Variants in TAS2R10 observed in about 807,000 individuals in gnomAD.
The protein encoded by TAS2R10 is taste 2 receptor member 10.
For synonymous variants in TAS2R10, 144 were observed against 126.6 expected (o/e 1.14, Z -0.92); for missense variants, 385 against 362.0 (o/e 1.06, Z -0.52).
At chr12:10,825,475 G>T (rs1380927106) in exon 1 of TAS2R10, 1 of 1,613,658 alleles carries the variant, frequency 6.2e-7, no homozygotes, top group East Asian at 2.2e-5. Context: ...AGATGGCTGT[G>T]GTTGTCATTC....
chr12:10,826,235 A>G (rs952205659), exon 1 of TAS2R10: 3 of 1,611,344 alleles, frequency 1.9e-6, no homozygotes, highest in East Asian at 2.2e-5. Flanking sequence ...ACTAACTACA[A>G]CAAAAATGAA....
At chr12:10,825,580 T>C (rs565604656) in exon 1 of TAS2R10, 1 of 1,613,756 alleles carries the variant, frequency 6.2e-7, no homozygotes, top group South Asian at 1.1e-5. Context: ...TGATGAAAGA[T>C]ATCAAAACTT....
At chr12:10,826,248 T>G in exon 1 of TAS2R10, 1 of 1,610,014 alleles carries the variant, frequency 6.2e-7, no homozygotes, top group Non-Finnish European at 8.5e-7. Flanking sequence ...AAAATGAAGA[T>G]GCCTTCCACT....
exon 1 of TAS2R10, chr12:10,826,306 T>G: frequency 6.9e-7 from 1 of 1,439,800 alleles, no homozygotes; most frequent in East Asian, 2.3e-5. Flanking sequence ...GTTACATCTA[T>G]CTTAGATTAC....
At position 10,826,302 on chromosome 12, in the gene TAS2R10, T is replaced by A. The variant is rs764212865; in HGVS notation, c.-33A>T. 6.8e-7 allele frequency: 1 copy of A among 1,475,384 alleles called. No homozygotes were observed. The highest frequency in any genetic ancestry group is 9.3e-7 in the Non-Finnish European group (1 of 1,080,002). The allele number at this position is 1,475,384 out of a possible 1,614,324, so 91.4% of individuals were successfully genotyped here. The stretch of plus-strand genomic sequence containing the variant: ...AATTCTTAATATTGCTTCTGTTACA[T>A]CTATCTTAGATTACCTGCTGCAGAA... On this transcript the variant is annotated 5_prime_UTR_variant, in exon 1 of 1. The change abolishes an upstream ATG in the 5' untranslated region. Transcript: ENST00000240619.
At chr12:10,825,566 A>G in exon 1 of TAS2R10, 1 of 1,613,734 alleles carries the variant, frequency 6.2e-7, no homozygotes, top group Non-Finnish European at 8.5e-7. Context: ...CAAGATAAAG[A>G]GGATGATGAA....
exon 1 of TAS2R10, chr12:10,826,346 C>A: frequency 9.4e-7 from 1 of 1,065,584 alleles, no homozygotes; most frequent in Non-Finnish European, 1.3e-6. Context: ...ATATTGGCTG[C>A]TCGACGGAAG....
chr12:10,826,257 C>T lies in TAS2R10; in HGVS notation c.13G>A (p.Val5Met), dbSNP rs777409044. 21 of 1,605,258 alleles carry T rather than the reference C, an allele frequency of 1.3e-5. No homozygotes were observed. Among genetic ancestry groups the T allele is most frequent in the Non-Finnish European group, 1.8e-5 (21 of 1,175,660 alleles). Residue 5 changes from valine (V) to methionine (M), a missense_variant, in exon 1 of 1, where the codon GTG becomes ATG. By Grantham distance (21) the Val-to-Met change is conservative. Transcript: ENST00000240619. ...ACAACAAAAATGAAGATGCCTTCCA[C>T]TACACGTAGCATATCTGCTAATTCT... is the stretch of plus-strand genomic sequence containing the variant.
chr12:10,826,182 C>G (rs1374949849), exon 1 of TAS2R10: 1 of 1,613,288 alleles, frequency 6.2e-7, no homozygotes, highest in African/African-American at 1.3e-5. Flanking sequence ...ATGCAGTTTA[C>G]AAGTCCAATA....
At chr12:10,825,632 C>CTTAATT (rs1316783368) in exon 1 of TAS2R10, 1 of 1,613,702 alleles carries the variant, frequency 6.2e-7, no homozygotes, top group Admixed American at 1.7e-5. Flanking sequence ...GTCTCTCAAT[C>CTTAATT]CTGTCACATT....
exon 1 of TAS2R10, chr12:10,826,338 A>G: frequency 1.7e-6 from 2 of 1,156,212 alleles, no homozygotes; most frequent in Admixed American, 2.3e-5. Context: ...TGAGGCATAT[A>G]TTGGCTGCTC....
exon 1 of TAS2R10, chr12:10,825,342 G>T (rs756375965): frequency 6.3e-7 from 1 of 1,595,856 alleles, no homozygotes; most frequent in East Asian, 2.2e-5. Context: ...TCTTCCCAAG[G>T]TGTCTATGTG....
chr12:10,826,186 T>G, exon 1 of TAS2R10: 1 of 1,613,286 alleles, frequency 6.2e-7, no homozygotes, highest in Non-Finnish European at 8.5e-7. Context: ...AGTTTACAAG[T>G]CCAATAAATC....
At chr12:10,825,616 G>A in exon 1 of TAS2R10, 1 of 1,613,794 alleles carries the variant, frequency 6.2e-7, no homozygotes, top group African/African-American at 1.3e-5. Flanking sequence ...GAGCTTCTGT[G>A]TTGGAGTCTC....
chr12:10,826,097 A>G (rs534564192), exon 1 of TAS2R10: 1 of 1,613,454 alleles, frequency 6.2e-7, no homozygotes, highest in African/African-American at 1.3e-5. Context: ...TATTATCCAT[A>G]TCAGAAAAAT....
rs368388268 is a variant in TAS2R10, at chr12:10,825,616, G to C, written c.654C>G (p.Asn218Lys). ...TCATTGCCTTCACATGAGCTTCTGT[G>C]TTGGAGTCTCTCAATCCTGTCACAT... Residue 218 changes from asparagine (N) to lysine (K), a missense_variant, in exon 1 of 1, where the codon AAC (asparagine) becomes AAG (lysine). Asn to Lys is a moderately conservative substitution (Grantham distance 94). Transcript: ENST00000240619. The C allele has an allele frequency of 1.8e-5, 29 of 1,613,794 alleles. No homozygotes were observed. In the African/African-American group the frequency reaches 3.6e-4, roughly 20 times the overall value.
At chr12:10,826,016 C>A (rs747912562) in exon 1 of TAS2R10, 4 of 1,613,486 alleles carry the variant, frequency 2.5e-6, no homozygotes, top group Non-Finnish European at 8.5e-7. Flanking sequence ...CCAAAAGTAA[C>A]TAATATATTC....
At chr12:10,825,823 C>A (rs772588664) in exon 1 of TAS2R10, 3 of 1,612,202 alleles carry the variant, frequency 1.9e-6, no homozygotes, top group African/African-American at 1.3e-5. Flanking sequence ...CATTAAGAAT[C>A]TTCGCAATGT....
At chr12:10,825,728 C>A in exon 1 of TAS2R10, 1 of 1,613,356 alleles carries the variant, frequency 6.2e-7, no homozygotes, top group Non-Finnish European at 8.5e-7. Context: ...GAAAATGACT[C>A]CCAGATTTAG....
Sources: allele counts gnomAD v4.1 joint callset, GRCh38; gene constraint gnomAD v4.1.1; transcripts MANE v1.5; gene names NCBI Gene and HGNC (gene_info 2026-07-23, HGNC 2026-07-21).